MAGI1: variants seen among roughly 807,000 people sequenced by gnomAD.
MAGI1 encodes the protein membrane associated guanylate kinase, WW and PDZ domain containing 1.
In MAGI1, 58 loss-of-function variants were observed where a neutral mutation model predicts 139.9. The observed-to-expected ratio is 0.41, with a 90% CI of 0.34 to 0.52. MAGI1 has a LOEUF of 0.52. Among genes scored for constraint, MAGI1 ranks in the 20% least tolerant of loss-of-function variants. The pLI is 0.12. For synonymous variants in MAGI1, 812 were observed against 737.9 expected, an observed-to-expected ratio of 1.10 and a Z score of -1.63; for missense variants, 1,874 against 1,901.6, an observed-to-expected ratio of 0.99 and a Z score of 0.27.
intron 1 of MAGI1, among the ~76,000 whole-genome samples, chr3:65,624,592 AT>A (rs1435635056): frequency 6.6e-6 from 1 of 152,204 alleles, no homozygotes; most frequent in Non-Finnish European, 1.5e-5. Context: ...GAACGGACTA[AT>A]TTATAGTGAG....
At chr3:65,969,719 G>C (rs1292628313) in intron 1 of MAGI1, among the ~76,000 whole-genome samples, 1 of 152,184 alleles carries the variant, frequency 6.6e-6, no homozygotes, top group Non-Finnish European at 1.5e-5. Flanking sequence ...TCTGCAAGAA[G>C]ATATCCATCA....
At chr3:65,757,575 T>C (rs765773057) in intron 1 of MAGI1, among the ~76,000 whole-genome samples, 1 of 152,096 alleles carries the variant, frequency 6.6e-6, no homozygotes. Flanking sequence ...GAGGCAGAGG[T>C]TGCAGTGAGC....
chr3:65,374,309 T>G (rs953302021), intron 18 of MAGI1, among the ~76,000 whole-genome samples: 1 of 137,032 alleles, frequency 7.3e-6, no homozygotes, highest in Non-Finnish European at 1.5e-5. Context: ...GTGTATCAAC[T>G]TAACTTTTTT....
At chr3:65,897,309 G>A (rs911731157) in intron 1 of MAGI1, among the ~76,000 whole-genome samples, 3 of 152,072 alleles carry the variant, frequency 2.0e-5, no homozygotes, top group Admixed American at 6.6e-5. Flanking sequence ...CAAGGCAGGA[G>A]GATAGCTTAA....
chr3:65,889,897 G>A (rs2060675185), intron 1 of MAGI1, among the ~76,000 whole-genome samples: 1 of 152,196 alleles, frequency 6.6e-6, no homozygotes, highest in African/African-American at 2.4e-5. Context: ...AGAGAAGCAT[G>A]AGGATGCTGC....
intron 1 of MAGI1, among the ~76,000 whole-genome samples, chr3:65,642,081 G>T (rs1372956497): frequency 6.6e-6 from 1 of 152,112 alleles, no homozygotes; most frequent in African/African-American, 2.4e-5. Flanking sequence ...TTCTGAAGGT[G>T]CACAAAGCAC....
chr3:65,706,254 A>G (rs745546189), intron 1 of MAGI1, among the ~76,000 whole-genome samples: 5 of 152,230 alleles, frequency 3.3e-5, no homozygotes, highest in Non-Finnish European at 5.9e-5. Context: ...GTCTGAAAGG[A>G]CCAAAATTTA....
chr3:65,977,754 T>C (rs2065340924), intron 1 of MAGI1, among the ~76,000 whole-genome samples: 1 of 152,002 alleles, frequency 6.6e-6, no homozygotes, highest in Non-Finnish European at 1.5e-5. Context: ...CTCATCTCCA[T>C]GACCTGAAAG....
intron 1 of MAGI1, among the ~76,000 whole-genome samples, chr3:65,796,147 C>T (rs2040134256): frequency 6.6e-6 from 1 of 152,018 alleles, no homozygotes. Flanking sequence ...TGGCACAGGC[C>T]GGGGTCCCAG....
chr3:65,715,984 A>G (rs901270713), intron 1 of MAGI1, among the ~76,000 whole-genome samples: 6 of 152,224 alleles, frequency 3.9e-5, no homozygotes, highest in Non-Finnish European at 5.9e-5. Flanking sequence ...GAGCTTTCAA[A>G]AAGTTTGTGT....
At chr3:65,796,055 A>G (rs1361598112) in intron 1 of MAGI1, among the ~76,000 whole-genome samples, 47 of 128,830 alleles carry the variant, frequency 3.6e-4, no homozygotes, top group African/African-American at 9.0e-4. Flanking sequence ...TGTCTCAAAA[A>G]AAAAAAAAAA....
rs752760877 is a variant in MAGI1 at position 65,429,923 on chromosome 3, G to A, written c.1764C>T (p.Thr588=). The A allele has an allele frequency of 8.1e-6, 13 of 1,613,886 alleles. No homozygotes were observed. In the Middle Eastern group the frequency reaches 8.2e-4, roughly 102 times the overall value. The change falls in exon 12 of 23, where the codon ACC becomes ACT. Residue 588 remains threonine (T), a synonymous_variant. Coordinates refer to ENST00000402939, the MANE Select transcript of MAGI1 (RefSeq NM_001033057.2). ...KEPIIVNGQE[T]YDSPASHSSK... is the part of the protein sequence containing the mutation. ...TACTGTGGCTAGCTGGTGAATCATA[G>A]GTCTCTTGCCCATTCACAATAATTG...
intron 1 of MAGI1, among the ~76,000 whole-genome samples, chr3:65,680,154 T>C (rs1392317070): frequency 2.0e-5 from 3 of 152,176 alleles, no homozygotes; most frequent in African/African-American, 7.2e-5. Flanking sequence ...CATTTTCTAT[T>C]CTTCCATGAC....
intron 1 of MAGI1, among the ~76,000 whole-genome samples, chr3:65,734,818 T>TA (rs567135925): frequency 1.5e-5 from 2 of 133,030 alleles, no homozygotes; most frequent in East Asian, 4.5e-4. Context: ...CACATCTAGA[T>TA]AAACAGCAGG....
chr3:65,463,586 G>GTGTC, intron 5 of MAGI1, among the ~76,000 whole-genome samples: 1 of 151,186 alleles, frequency 6.6e-6, no homozygotes, highest in East Asian at 2.0e-4. Flanking sequence ...GTGTGTGTGT[G>GTGTC]TGTGTGTGTG....
chr3:65,489,638 C>T (rs1163108217), intron 3 of MAGI1, among the ~76,000 whole-genome samples: 1 of 152,030 alleles, frequency 6.6e-6, no homozygotes, highest in African/African-American at 2.4e-5. Flanking sequence ...CACTGGGACA[C>T]TATGCAGCAT....
At chr3:65,976,607 G>C (rs1298738974) in intron 1 of MAGI1, among the ~76,000 whole-genome samples, 2 of 152,098 alleles carry the variant, frequency 1.3e-5, no homozygotes, top group South Asian at 2.1e-4. Flanking sequence ...CTCCAGCCTG[G>C]GTGACAGACT....
intron 2 of MAGI1, among the ~76,000 whole-genome samples, chr3:65,529,493 A>G (rs1321014367): frequency 1.3e-5 from 2 of 152,214 alleles, no homozygotes; most frequent in Non-Finnish European, 2.9e-5. Context: ...TGTTTCTTAT[A>G]GTGAAACGTT....
intron 4 of MAGI1, 28 bp from the exon 5 acceptor site, chr3:65,470,512 A>C: frequency 7.1e-7 from 1 of 1,407,056 alleles, no homozygotes; most frequent in Non-Finnish European, 9.7e-7. Context: ...GAGGTGAGAG[A>C]GAGAGAGAGA....
Sources: allele counts gnomAD v4.1 joint callset (sites outside exome capture counted in the v4.1 genomes callset), GRCh38; gene constraint gnomAD v4.1.1; transcripts MANE v1.5; gene names NCBI Gene and HGNC (gene_info 2026-07-23, HGNC 2026-07-21).